ZNF365: variants seen among roughly 807,000 people sequenced by gnomAD.
The protein encoded by ZNF365 is protein ZNF365.
A neutral mutation model predicts 35.0 loss-of-function variants in ZNF365; 22 were observed. The ratio of observed to expected loss-of-function variants is 0.63; its 90% confidence interval spans 0.45 to 0.90. ZNF365 has a LOEUF of 0.90. Ranked by LOEUF, ZNF365 falls within the 40% of genes least tolerant of loss-of-function variation. ZNF365 has a pLI of 0.00. For synonymous variants in ZNF365, 188 were observed against 196.2 expected (o/e 0.96, Z 0.35); for missense variants, 448 against 500.3 (o/e 0.90, Z 1.00).
chr10:62,433,225 A>G (rs1456373449), intron 3 of ZNF365, among the ~76,000 whole-genome samples: 1 of 152,200 alleles, frequency 6.6e-6, no homozygotes, highest in Non-Finnish European at 1.5e-5. Flanking sequence ...AAACAGTTTA[A>G]TGAGTTTTGG....
intron 3 of ZNF365, among the ~76,000 whole-genome samples, chr10:62,409,508 C>T (rs985457521): frequency 6.6e-6 from 1 of 152,104 alleles, no homozygotes; most frequent in Admixed American, 6.6e-5. Flanking sequence ...AAGTGAGGAA[C>T]CATTTCCCTT....
intron 3 of ZNF365, among the ~76,000 whole-genome samples, chr10:62,457,958 A>G (rs1840786807): frequency 6.6e-6 from 1 of 152,242 alleles, no homozygotes; most frequent in African/African-American, 2.4e-5. Context: ...GGAATGCCAA[A>G]TACCATACAA....
chr10:62,477,492 C>G (rs1841151820), intron 4 of ZNF365, among the ~76,000 whole-genome samples: 1 of 152,162 alleles, frequency 6.6e-6, no homozygotes, highest in African/African-American at 2.4e-5. Flanking sequence ...GGGATTATAT[C>G]TCCTTCTTTA....
At chr10:62,472,425 C>A (rs1443150863) in intron 4 of ZNF365, among the ~76,000 whole-genome samples, 2 of 152,130 alleles carry the variant, frequency 1.3e-5, no homozygotes, top group Non-Finnish European at 2.9e-5. Context: ...AAAATGAGGT[C>A]ATTAGAGTAG....
chr10:62,473,033 G>A (rs1435572928), intron 4 of ZNF365, among the ~76,000 whole-genome samples: 1 of 152,162 alleles, frequency 6.6e-6, no homozygotes, highest in Non-Finnish European at 1.5e-5. Context: ...TCCAATTTAG[G>A]TTTTTATTTC....
At chr10:62,405,686 T>C (rs1839895171), downstream of ZNF365, among the ~76,000 whole-genome samples, 1 of 152,236 alleles carries the variant, frequency 6.6e-6, no homozygotes. Context: ...GGACCCCAAC[T>C]TGCCAAGGAA....
In ZNF365 at chr10:62,399,787, T is replaced by G; in HGVS notation, c.1222T>G (p.Ter408GluextTer48). The G allele has an allele frequency of 6.2e-7, 1 of 1,611,580 alleles. No individual in the cohort carries two copies. Among genetic ancestry groups the G allele is most frequent in the Non-Finnish European group, 8.5e-7 (1 of 1,178,986 alleles). Residue 408 changes from the stop codon to glutamate (E), a stop_lost, in exon 5 of 5, where the codon TAA (stop) becomes GAA (glutamate). Transcript: ENST00000395254. Reference sequence around the variant, plus strand: ...GCCAACAGCCATTGTGAACATCATCTAAAAGGGTGGGTGGTGCTGGACCAA... The same window carrying G: ...GCCAACAGCCATTGTGAACATCATCGAAAAGGGTGGGTGGTGCTGGACCAA... The part of the protein sequence containing the change: ...KKPTAIVNII[*>E]
At chr10:62,479,810 C>T (rs768965582) in intron 4 of ZNF365, 9 of 1,116,722 alleles carry the variant, frequency 8.1e-6, no homozygotes, top group South Asian at 2.5e-5. Flanking sequence ...CTTTTTTTGA[C>T]TATTGTTGCT....
At chr10:62,438,597 G>C (rs186268952) in intron 3 of ZNF365, among the ~76,000 whole-genome samples, 71 of 152,038 alleles carry the variant, frequency 4.7e-4, no homozygotes, top group African/African-American at 1.6e-3. Flanking sequence ...AAACATGAAG[G>C]GCAGATACAG....
intron 3 of ZNF365, among the ~76,000 whole-genome samples, chr10:62,415,224 T>A (rs892962311): frequency 4.7e-5 from 7 of 149,820 alleles, no homozygotes; most frequent in Admixed American, 2.7e-4. Context: ...ATGTGGAAAA[T>A]TTTTTTTTTA....
At chr10:62,376,149 G>C in intron 1 of ZNF365, 32 bp from the exon 2 acceptor site, 6 of 1,599,440 alleles carry the variant, frequency 3.8e-6, no homozygotes, top group Non-Finnish European at 5.1e-6. Flanking sequence ...TTTTTCAGCC[G>C]ACTTGTAAAC....
chr10:62,457,659 A>T (rs2132478332), intron 3 of ZNF365, among the ~76,000 whole-genome samples: 1 of 152,352 alleles, frequency 6.6e-6, no homozygotes, highest in East Asian at 1.9e-4. Flanking sequence ...CATGTATAAC[A>T]GTTCTCTTTC....
At chr10:62,391,948 A>T (rs1200332914) in intron 3 of ZNF365, among the ~76,000 whole-genome samples, 2 of 152,242 alleles carry the variant, frequency 1.3e-5, no homozygotes, top group Non-Finnish European at 2.9e-5. Context: ...CCATTCTTGC[A>T]GGAGCAAGGT....
At chr10:62,420,815 C>T (rs754266868) in intron 3 of ZNF365, among the ~76,000 whole-genome samples, 1 of 151,480 alleles carries the variant, frequency 6.6e-6, no homozygotes, top group Non-Finnish European at 1.5e-5. Flanking sequence ...GGCTCTGTCA[C>T]TCTGTCACCT....
intron 4 of ZNF365, among the ~76,000 whole-genome samples, chr10:62,474,550 A>G (rs1452923948): frequency 2.6e-5 from 4 of 152,092 alleles, no homozygotes; most frequent in Non-Finnish European, 5.9e-5. Flanking sequence ...CAGTTCCTCT[A>G]AGGAAACCAC....
rs1841049601 is a variant in ZNF365 at position 62,472,092 on chromosome 10, G to A, written c.982-7784G>A. ...ATACACAGCCTGCTACTTAGCTATC[G>A]GGCTCCCTGATTTAACATGCACCTG... On this transcript the variant is annotated intron_variant, in intron 4 of 4. Transcript: ENST00000395255. Among the ~76,000 whole-genome samples the A allele has an allele frequency of 3.3e-5, 5 of 152,248 alleles. No homozygotes were observed. In the South Asian group the frequency reaches 6.2e-4, roughly 19 times the overall value.
downstream of ZNF365, among the ~76,000 whole-genome samples, chr10:62,406,524 G>C (rs901663121): frequency 6.6e-6 from 1 of 152,156 alleles, no homozygotes; most frequent in African/African-American, 2.4e-5. Context: ...ACCCAGCATA[G>C]GGTGGGTCCT....
At chr10:62,407,590 C>T (rs1490580968) in intron 3 of ZNF365, among the ~76,000 whole-genome samples, 1 of 138,394 alleles carries the variant, frequency 7.2e-6, no homozygotes, top group Non-Finnish European at 1.5e-5. Context: ...CTCTCCTCTC[C>T]TCTCCTCTCC....
chr10:62,429,517 G>A (rs1167561896), intron 3 of ZNF365, among the ~76,000 whole-genome samples: 2 of 152,290 alleles, frequency 1.3e-5, no homozygotes, highest in South Asian at 4.1e-4. Flanking sequence ...GTACTTAACT[G>A]TTATGTGAGA....
Sources: gnomAD v4.1 joint callset for allele counts (sites outside exome capture counted in the v4.1 genomes callset) on GRCh38, gnomAD v4.1.1 for gene constraint, MANE v1.5 for transcripts, NCBI Gene and HGNC (gene_info 2026-07-23, HGNC 2026-07-21) for gene names.